The following LRRC37A2 variants were observed in gnomAD, a reference collection of about 807,000 sequenced individuals.
The protein encoded by LRRC37A2 is leucine rich repeat containing 37 member A2.
Under a neutral mutation model 68.8 loss-of-function variants are expected in LRRC37A2, and 9 were observed. The ratio of observed to expected loss-of-function variants is 0.13; its 90% CI spans 0.08 to 0.23. The LOEUF is 0.23. LRRC37A2 is among the 10% of genes least tolerant of loss of function. The probability of loss-of-function intolerance (pLI) is 1.00; values close to 1 mark genes in which losing one functional copy is unlikely to be tolerated. For synonymous variants in LRRC37A2, 63 were observed against 367.6 expected (o/e 0.17, Z 9.48); for missense variants, 168 against 950.4 (o/e 0.18, Z 10.82).
the LRRC37A2 span, among the ~76,000 whole-genome samples, chr17:46,798,673 G>A: frequency 1.3e-5 from 2 of 152,292 alleles, no homozygotes; most frequent in Admixed American, 1.3e-4. Context: ...ACTGTGCTTA[G>A]CAAGGGCTTA....
chr17:46,956,976 G>C, the LRRC37A2 span, among the ~76,000 whole-genome samples: 61,217 of 152,108 alleles, frequency 0.4, 12,545 homozygotes, highest in South Asian at 0.48. Flanking sequence ...AAAGGTTGCG[G>C]GGGTGAGCTG....
At chr17:47,015,978 CTT>C in the LRRC37A2 span, among the ~76,000 whole-genome samples, 9 of 152,018 alleles carry the variant, frequency 5.9e-5, no homozygotes, top group South Asian at 2.1e-4. Flanking sequence ...GAGTTTCTCT[CTT>C]GTTGCCCAGG....
chr17:47,004,852 C>A, the LRRC37A2 span, among the ~76,000 whole-genome samples: 4 of 152,336 alleles, frequency 2.6e-5, no homozygotes, highest in Non-Finnish European at 4.4e-5. Flanking sequence ...TTTGAGACAA[C>A]AAGATTTTAA....
the LRRC37A2 span, among the ~76,000 whole-genome samples, chr17:46,742,053 A>C: frequency 6.6e-6 from 1 of 152,186 alleles, no homozygotes; most frequent in Admixed American, 6.5e-5. Context: ...TGCACTGGCC[A>C]ATAGTACTTG....
the LRRC37A2 span, among the ~76,000 whole-genome samples, chr17:46,750,647 GC>G: frequency 4.6e-5 from 7 of 152,182 alleles, no homozygotes; most frequent in Non-Finnish European, 8.8e-5. Context: ...AATGTAGGCA[GC>G]TACAAACTGC....
the LRRC37A2 span, chr17:46,935,183 TG>T: frequency 7.4e-6 from 12 of 1,613,686 alleles, no homozygotes; most frequent in African/African-American, 1.6e-4. Context: ...GGGTCCCTGC[TG>T]GGGGACAGAG....
chr17:46,960,113 A>G, the LRRC37A2 span, among the ~76,000 whole-genome samples: 110 of 152,334 alleles, frequency 7.2e-4, 4 homozygotes, highest in East Asian at 0.021. Context: ...TAATATATCT[A>G]CCAAAAGACT....
chr17:46,773,616 T>TGGGGG, the LRRC37A2 span: 1 of 997,790 alleles, frequency 1.0e-6, no homozygotes, highest in Non-Finnish European at 1.5e-6. Context: ...CATACAGTCC[T>TGGGGG]GATCCCTCCC....
the LRRC37A2 span, among the ~76,000 whole-genome samples, chr17:46,839,961 T>TC: frequency 8.6e-4 from 122 of 141,446 alleles, no homozygotes; most frequent in African/African-American, 3.0e-3. Flanking sequence ...TCTTTCTTTC[T>TC]TTCTTTCTTT....
chr17:46,765,841 G>T, the LRRC37A2 span, among the ~76,000 whole-genome samples: 51 of 152,366 alleles, frequency 3.3e-4, no homozygotes, highest in African/African-American at 1.2e-3. Flanking sequence ...ACAGAACACA[G>T]TTCTCATCCC....
chr17:46,755,354 TAAGAG>T, the LRRC37A2 span: 6 of 1,613,572 alleles, frequency 3.7e-6, no homozygotes, highest in East Asian at 2.2e-5. Flanking sequence ...TTGGCCCTCT[TAAGAG>T]AAGAAGGAGC....
chr17:46,829,584 C>T, the LRRC37A2 span, among the ~76,000 whole-genome samples: 265 of 152,220 alleles, frequency 1.7e-3, no homozygotes, highest in Non-Finnish European at 3.2e-3. Context: ...GAGTGTGTTT[C>T]GGGGATGGAG....
chr17:46,985,174 A>G, the LRRC37A2 span, among the ~76,000 whole-genome samples: 7 of 152,148 alleles, frequency 4.6e-5, no homozygotes, highest in Non-Finnish European at 1.0e-4. Context: ...TTTGACCCCT[A>G]AGAGACTTCG....
intron 8 of LRRC37A2, among the ~76,000 whole-genome samples, chr17:46,545,400 T>A (rs571789626): frequency 7.9e-6 from 1 of 126,614 alleles, no homozygotes; most frequent in South Asian, 2.3e-4. Flanking sequence ...TGCATTGAGG[T>A]ATAATTTTGC....
the LRRC37A2 span, chr17:46,930,414 A>G: frequency 1.3e-5 from 2 of 152,346 alleles, no homozygotes; most frequent in African/African-American, 2.4e-5. Flanking sequence ...CATGATTAGA[A>G]ATGGAAAGAG....
At chr17:46,727,565 A>T in the LRRC37A2 span, among the ~76,000 whole-genome samples, 1 of 151,966 alleles carries the variant, frequency 6.6e-6, no homozygotes, top group African/African-American at 2.4e-5. Flanking sequence ...TCTGTTATTT[A>T]TTTTTTTAAG....
At chr17:46,872,305 C>G in the LRRC37A2 span, among the ~76,000 whole-genome samples, 1 of 152,150 alleles carries the variant, frequency 6.6e-6, no homozygotes, top group African/African-American at 2.4e-5. Flanking sequence ...GAGCAGAGAC[C>G]GGAATCTGGA....
At chr17:46,884,450 G>T in the LRRC37A2 span, among the ~76,000 whole-genome samples, 3 of 151,976 alleles carry the variant, frequency 2.0e-5, no homozygotes, top group Non-Finnish European at 4.4e-5. Context: ...CTCAAGCTCT[G>T]CTTCTCATGT....
chr17:46,977,351 G>A, the LRRC37A2 span, among the ~76,000 whole-genome samples: 1 of 152,236 alleles, frequency 6.6e-6, no homozygotes. Flanking sequence ...CTTGAGCGGG[G>A]TTGGCACTAG....
Sources: gnomAD v4.1 joint callset for allele counts (sites outside exome capture counted in the v4.1 genomes callset) on GRCh38, gnomAD v4.1.1 for gene constraint, MANE v1.5 for transcripts, NCBI Gene and HGNC (gene_info 2026-07-23, HGNC 2026-07-21) for gene names.